The following PCSK2 variants were observed in gnomAD, a reference collection of about 807,000 sequenced individuals.
PCSK2 encodes the protein proprotein convertase subtilisin/kexin type 2.
PCSK2 carries 14 observed loss-of-function variants against 69.7 expected under a neutral mutation model. The ratio of observed to expected loss-of-function variants is 0.20; its 90% CI spans 0.13 to 0.31. The LOEUF is 0.31. Among genes scored for constraint, PCSK2 ranks in the 10% least tolerant of loss-of-function variants. The pLI is 1.00. For synonymous variants in PCSK2, 307 were observed against 320.7 expected, an observed-to-expected ratio of 0.96 and a Z score of 0.46; for missense variants, 544 against 842.5, an observed-to-expected ratio of 0.65 and a Z score of 4.39.
At chr20:17,431,952 G>T (rs917958174) in intron 7 of PCSK2, among the ~76,000 whole-genome samples, 1 of 152,144 alleles carries the variant, frequency 6.6e-6, no homozygotes, top group Non-Finnish European at 1.5e-5. Flanking sequence ...GGCCAACTCG[G>T]ATCGTTGCTG....
At chr20:17,414,803 C>A (rs2031961345) in intron 6 of PCSK2, among the ~76,000 whole-genome samples, 1 of 152,156 alleles carries the variant, frequency 6.6e-6, no homozygotes, top group Non-Finnish European at 1.5e-5. Context: ...ACTGGCAAAC[C>A]AAATCCAGCA....
At chr20:17,388,737 A>G (rs1389843658) in intron 5 of PCSK2, among the ~76,000 whole-genome samples, 1 of 152,054 alleles carries the variant, frequency 6.6e-6, no homozygotes, top group East Asian at 1.9e-4. Flanking sequence ...ACCCACAGAG[A>G]GCGCTGAATA....
At chr20:17,276,722 A>G (rs549455549) in intron 2 of PCSK2, among the ~76,000 whole-genome samples, 1 of 152,296 alleles carries the variant, frequency 6.6e-6, no homozygotes, top group East Asian at 1.9e-4. Flanking sequence ...GGCCAGGGCA[A>G]TCAGGCAGGA....
At chr20:17,475,772 C>T (rs912932636) in intron 11 of PCSK2, among the ~76,000 whole-genome samples, 1 of 152,172 alleles carries the variant, frequency 6.6e-6, no homozygotes, top group African/African-American at 2.4e-5. Context: ...ATAATAGTGA[C>T]CACTGCACTT....
At chr20:17,245,153 C>A (rs1986724863) in intron 1 of PCSK2, among the ~76,000 whole-genome samples, 1 of 152,160 alleles carries the variant, frequency 6.6e-6, no homozygotes, top group African/African-American at 2.4e-5. Context: ...CCCTCAGAGT[C>A]TCTGCAAAGT....
intron 1 of PCSK2, among the ~76,000 whole-genome samples, chr20:17,258,761 AGTGTGTGT>A (rs11467589): frequency 2.8e-5 from 4 of 145,102 alleles, no homozygotes; most frequent in East Asian, 4.1e-4. Context: ...CATAATATGT[AGTGTGTGT>A]GTGTGTGTGT....
At chr20:17,345,979 G>A (rs1990640661) in intron 2 of PCSK2, among the ~76,000 whole-genome samples, 2 of 152,156 alleles carry the variant, frequency 1.3e-5, no homozygotes, top group African/African-American at 4.8e-5. Context: ...ATTGAAGCTT[G>A]CTGGCCATAT....
intron 2 of PCSK2, among the ~76,000 whole-genome samples, chr20:17,328,283 G>A (rs1014165301): frequency 6.6e-6 from 1 of 151,302 alleles, no homozygotes; most frequent in South Asian, 2.1e-4. Flanking sequence ...TTTCCACAAT[G>A]GAGTTTCCTT....
intron 7 of PCSK2, among the ~76,000 whole-genome samples, chr20:17,433,570 G>A (rs1308827934): frequency 2.0e-5 from 3 of 152,200 alleles, no homozygotes; most frequent in African/African-American, 7.2e-5. Context: ...CGGGGCACCA[G>A]GGCTAGCCAC....
chr20:17,313,046 TTTTCTAGTGG>T, intron 2 of PCSK2, among the ~76,000 whole-genome samples: 1 of 152,184 alleles, frequency 6.6e-6, no homozygotes, highest in Non-Finnish European at 1.5e-5. Flanking sequence ...TGATCTTAAA[TTTTCTAGTGG>T]GCACATTTTA....
intron 2 of PCSK2, among the ~76,000 whole-genome samples, chr20:17,278,884 C>T (rs1244970257): frequency 6.6e-6 from 1 of 151,752 alleles, no homozygotes; most frequent in Non-Finnish European, 1.5e-5. Context: ...TTCCTATCTC[C>T]TTATGTCTAA....
intron 11 of PCSK2, among the ~76,000 whole-genome samples, chr20:17,472,828 A>G (rs1267471835): frequency 2.0e-5 from 3 of 152,114 alleles, no homozygotes; most frequent in Non-Finnish European, 4.4e-5. Context: ...TGGCCTCCCA[A>G]AGTGTTGGGA....
chr20:17,248,874 G>C (rs1287987080), intron 1 of PCSK2, among the ~76,000 whole-genome samples: 2 of 152,162 alleles, frequency 1.3e-5, no homozygotes, highest in Non-Finnish European at 2.9e-5. Context: ...CTGGGACGTA[G>C]AGTAGGACCA....
rs1555789076 is a variant in PCSK2 at position 17,335,193 on chromosome 20, TG to T, written c.283-23127del. Reference sequence around the variant, plus strand: ...CTTGCAGTCAGACGGCAGCGGAGATTGGGGGGGTTGTCTGAAGACTCAACAG... The same window carrying T: ...CTTGCAGTCAGACGGCAGCGGAGATTGGGGGGTTGTCTGAAGACTCAACAG... On this transcript the variant is annotated intron_variant, in intron 2 of 11. Coordinates refer to ENST00000262545, the MANE Select transcript of PCSK2 (RefSeq NM_002594.5). 5.9e-3 allele frequency among the ~76,000 whole-genome samples: 894 copies of T among 151,502 alleles called. 9 individuals are homozygous for T. The highest frequency in any genetic ancestry group is 0.021 in the African/African-American group (859 of 41,292).
chr20:17,309,604 G>A (rs947310334), intron 2 of PCSK2, among the ~76,000 whole-genome samples: 1 of 152,074 alleles, frequency 6.6e-6, no homozygotes, highest in Non-Finnish European at 1.5e-5. Flanking sequence ...GATCACTTGA[G>A]GTTAGGAGTT....
intron 2 of PCSK2, among the ~76,000 whole-genome samples, chr20:17,335,691 T>A (rs1414892651): frequency 6.6e-6 from 1 of 152,010 alleles, no homozygotes; most frequent in Non-Finnish European, 1.5e-5. Context: ...GTATCATTTG[T>A]ATGCCTTTGT....
At chr20:17,472,335 C>G (rs960765650) in intron 11 of PCSK2, among the ~76,000 whole-genome samples, 3 of 152,184 alleles carry the variant, frequency 2.0e-5, no homozygotes, top group African/African-American at 7.2e-5. Flanking sequence ...AGCGTGTGCT[C>G]GGCCCTGTGC....
intron 11 of PCSK2, 39 bp downstream of exon 11, chr20:17,465,592 G>A: frequency 7.7e-7 from 1 of 1,297,036 alleles, no homozygotes; most frequent in Non-Finnish European, 1.1e-6. Flanking sequence ...CATGTGGAAA[G>A]TGCCCCTGAG....
At chr20:17,263,438 A>T (rs926446871) in intron 2 of PCSK2, among the ~76,000 whole-genome samples, 1 of 152,256 alleles carries the variant, frequency 6.6e-6, no homozygotes, top group Non-Finnish European at 1.5e-5. Context: ...GCTAAAAAGC[A>T]AAAGTTGTGT....
Sources: gnomAD v4.1 joint callset for allele counts (sites outside exome capture counted in the v4.1 genomes callset) on GRCh38, gnomAD v4.1.1 for gene constraint, MANE v1.5 for transcripts, NCBI Gene and HGNC (gene_info 2026-07-23, HGNC 2026-07-21) for gene names.